The following CENPP variants were observed in gnomAD, a reference collection of about 807,000 sequenced individuals.
CENPP encodes the protein centromere protein P.
In CENPP, 24 loss-of-function variants were observed where a neutral mutation model predicts 35.6. The ratio of observed to expected loss-of-function variants is 0.67; its 90% CI spans 0.49 to 0.95. CENPP has a LOEUF of 0.95. Ranked by LOEUF, CENPP falls within the 40% of genes least tolerant of loss-of-function variation. The pLI is 0.00. For missense variants in CENPP, 332 were observed against 345.3 expected (o/e 0.96, Z 0.31); for synonymous variants, 120 against 125.5 (o/e 0.96, Z 0.29).
At chr9:92,500,693 A>C in intron 5 of CENPP, 1 of 1,579,916 alleles carries the variant, frequency 6.3e-7, no homozygotes, top group Non-Finnish European at 8.6e-7. Context: ...GCCAACCAAA[A>C]TTTAAACAGA....
intron 4 of CENPP, among the ~76,000 whole-genome samples, chr9:92,378,830 CGTGGTGTG>C (rs1395781725): frequency 6.6e-6 from 1 of 152,146 alleles, no homozygotes; most frequent in Non-Finnish European, 1.5e-5. Context: ...GAATAGGATA[CGTGGTGTG>C]GTGGTGTGGT....
intron 5 of CENPP, chr9:92,456,125 G>A (rs1041483756): frequency 6.6e-6 from 1 of 152,138 alleles, no homozygotes; most frequent in African/African-American, 2.4e-5. Context: ...CTCTAAACAT[G>A]TTATATATAG....
intron 5 of CENPP, chr9:92,464,840 A>C: frequency 3.8e-6 from 4 of 1,040,040 alleles, no homozygotes; most frequent in Non-Finnish European, 6.1e-6. Context: ...TATACTGCAC[A>C]GTTTACAATA....
Position 92,476,333 on chromosome 9 carries a change from T to G in CENPP, c.564+96474T>G, listed in dbSNP as rs1845714096. 6.6e-6 allele frequency among the ~76,000 whole-genome samples: 1 copy of G among 152,226 alleles called. No homozygotes were observed. Among genetic ancestry groups the G allele is most frequent in the Non-Finnish European group, 1.5e-5 (1 of 68,038 alleles). On this transcript the variant is annotated intron_variant, in intron 5 of 7. Coordinates refer to ENST00000375587, the MANE Select transcript of CENPP (RefSeq NM_001012267.3). This position sits in a 1 kb window ranked among gnomAD's most constrained non-coding sequence, Gnocchi z 4.1. Reference sequence around the variant, plus strand: ...AACATCTCTCCATGGGCCTGCTTTTTCCTGGATTTAAAAATCAAGAATGAA... The same window carrying G: ...AACATCTCTCCATGGGCCTGCTTTTGCCTGGATTTAAAAATCAAGAATGAA...
rs138532586 is a variant in CENPP, at chr9:92,532,449, C to G, written c.565-78865C>G. Among the ~76,000 whole-genome samples the G allele has an allele frequency of 7.8e-4, 119 of 152,028 alleles. 1 individual carries two copies. The highest frequency in any genetic ancestry group is 3.4e-3 in the Middle Eastern group (1 of 294). On this transcript the variant is annotated intron_variant, in intron 5 of 7. Transcript: ENST00000375587. The stretch of plus-strand genomic sequence containing the variant: ...ACATTCTCTTTTCCCTTTTTTCATT[C>G]TTTCTATAACTACAGGTACTTGCAT...
At chr9:92,328,553 A>C (rs895586895) in intron 1 of CENPP, among the ~76,000 whole-genome samples, 21 of 152,220 alleles carry the variant, frequency 1.4e-4, no homozygotes, top group African/African-American at 4.8e-4. Context: ...TAATATATGT[A>C]GTTCATTTAG....
intron 5 of CENPP, among the ~76,000 whole-genome samples, chr9:92,532,313 A>T (rs182891295): frequency 6.2e-4 from 95 of 152,050 alleles, no homozygotes; most frequent in African/African-American, 2.1e-3. Flanking sequence ...TTCACTCTGT[A>T]TACAAAGATA....
intron 1 of CENPP, among the ~76,000 whole-genome samples, chr9:92,328,625 G>T (rs549231782): frequency 6.6e-6 from 1 of 152,068 alleles, no homozygotes; most frequent in Non-Finnish European, 1.5e-5. Context: ...CTTTAAACTC[G>T]TGTACAGATT....
intron 5 of CENPP, among the ~76,000 whole-genome samples, chr9:92,381,037 A>G (rs1398394307): frequency 6.6e-6 from 1 of 152,164 alleles, no homozygotes; most frequent in Non-Finnish European, 1.5e-5. Flanking sequence ...ACCGTCACCA[A>G]TATCCACATT....
chr9:92,494,045 C>A, intron 5 of CENPP: 1 of 1,591,854 alleles, frequency 6.3e-7, no homozygotes, highest in Non-Finnish European at 8.5e-7. Context: ...ACAGCACTTG[C>A]CTGCTTACTT....
chr9:92,587,685 G>A (rs1421503431), intron 5 of CENPP, among the ~76,000 whole-genome samples: 2 of 152,208 alleles, frequency 1.3e-5, no homozygotes, highest in Admixed American at 1.3e-4. Flanking sequence ...GGTGGTGGTT[G>A]TTGGGGCCAA....
At chr9:92,393,917 C>T (rs1337958278) in intron 5 of CENPP, among the ~76,000 whole-genome samples, 1 of 152,060 alleles carries the variant, frequency 6.6e-6, no homozygotes, top group Non-Finnish European at 1.5e-5. Flanking sequence ...CACATGATAT[C>T]TGTTTATCCC....
chr9:92,501,741 C>T lies in CENPP; in HGVS notation c.565-109573C>T, dbSNP rs1211873458. Among the ~76,000 whole-genome samples the T allele has an allele frequency of 2.6e-5, 4 of 152,306 alleles. No homozygotes were observed. In the East Asian group the frequency reaches 5.8e-4, roughly 22 times the overall value. The stretch of plus-strand genomic sequence containing the variant: ...ATGCTGCTGAGCCCAATTGGCCTCT[C>T]CATCCTGCTTCTGAATGACACGTGT... On this transcript the variant is annotated intron_variant, in intron 5 of 7. Coordinates refer to ENST00000375587, the MANE Select transcript of CENPP (RefSeq NM_001012267.3).
intron 3 of CENPP, among the ~76,000 whole-genome samples, chr9:92,338,749 G>T (rs1165913689): frequency 6.6e-6 from 1 of 152,020 alleles, no homozygotes; most frequent in Non-Finnish European, 1.5e-5. Context: ...CACTCAGTTG[G>T]GTGTCCTTGC....
chr9:92,490,347 G>T (rs1238263200), intron 5 of CENPP, among the ~76,000 whole-genome samples: 1 of 152,168 alleles, frequency 6.6e-6, no homozygotes, highest in African/African-American at 2.4e-5. Flanking sequence ...GGGGCTTAAG[G>T]CCTGTAATGG....
chr9:92,522,950 T>A, intron 5 of CENPP: 1 of 1,466,270 alleles, frequency 6.8e-7, no homozygotes, highest in Non-Finnish European at 9.0e-7. Flanking sequence ...TTCTGAAAAT[T>A]GGCTTATATA....
chr9:92,574,837 C>A (rs923740457), intron 5 of CENPP, among the ~76,000 whole-genome samples: 1 of 152,170 alleles, frequency 6.6e-6, no homozygotes, highest in African/African-American at 2.4e-5. Flanking sequence ...CTACAATAAT[C>A]AAAACAATGT....
intron 5 of CENPP, among the ~76,000 whole-genome samples, chr9:92,551,042 C>CA (rs2131326022): frequency 6.6e-6 from 1 of 152,246 alleles, no homozygotes; most frequent in South Asian, 2.1e-4. Context: ...GCCCTGGAAA[C>CA]AAAGTTATTT....
intron 5 of CENPP, among the ~76,000 whole-genome samples, chr9:92,562,573 G>C (rs2131343437): frequency 6.6e-6 from 1 of 152,134 alleles, no homozygotes; most frequent in South Asian, 2.1e-4. Context: ...CATATTGTAG[G>C]GTGTGGTGTC....
Sources: gnomAD v4.1 joint callset for allele counts (sites outside exome capture counted in the v4.1 genomes callset) on GRCh38, gnomAD v4.1.1 for gene constraint, Gnocchi (gnomAD v3.1) non-coding constraint, MANE v1.5 for transcripts, NCBI Gene and HGNC (gene_info 2026-07-23, HGNC 2026-07-21) for gene names.